The following LEPROTL1 variants were observed in gnomAD, a reference collection of about 807,000 sequenced individuals.
The protein encoded by LEPROTL1 is leptin receptor overlapping transcript like 1, also known as leptin receptor overlapping transcript-like 1.
In LEPROTL1, 6 loss-of-function variants were observed where a neutral mutation model predicts 15.4. The observed-to-expected ratio is 0.39, with a 90% CI of 0.21 to 0.77. The LOEUF (loss-of-function observed/expected upper bound fraction) is 0.77. Ranked by LOEUF, LEPROTL1 falls within the 30% of genes least tolerant of loss-of-function variation. The pLI is 0.41. For synonymous variants in LEPROTL1, 56 were observed against 52.6 expected, an observed-to-expected ratio of 1.06 and a Z score of -0.28; for missense variants, 128 against 158.1, an observed-to-expected ratio of 0.81 and a Z score of 1.02.
At chr8:30,130,269 A>G (rs909475391) in intron 3 of LEPROTL1, among the ~76,000 whole-genome samples, 2 of 152,224 alleles carry the variant, frequency 1.3e-5, no homozygotes, top group Non-Finnish European at 2.9e-5. Flanking sequence ...TTTTATTTGA[A>G]CAAGCATGTA....
intron 3 of LEPROTL1, among the ~76,000 whole-genome samples, chr8:30,119,967 G>T (rs1046389976): frequency 6.6e-6 from 1 of 152,106 alleles, no homozygotes; most frequent in Admixed American, 6.6e-5. Context: ...TACTAGGGAG[G>T]CTGAGGCAGG....
At chr8:30,125,354 G>A (rs925150235) in intron 3 of LEPROTL1, among the ~76,000 whole-genome samples, 3 of 152,174 alleles carry the variant, frequency 2.0e-5, no homozygotes, top group African/African-American at 7.2e-5. Context: ...TGTTTTCTTA[G>A]TAGGAGAGAA....
Position 30,107,991 on chromosome 8 carries a change from G to A in LEPROTL1, c.*2129G>A. On this transcript the variant is annotated 3_prime_UTR_variant, in exon 4 of 4. Coordinates refer to ENST00000321250, the MANE Select transcript of LEPROTL1 (RefSeq NM_015344.3). ...GAGATATGAATTTTCCATAGAATAT[G>A]CACTGATACAATATTACCATTCTTC... The A allele has an allele frequency of 1.0e-6, 1 of 969,022 alleles. No individual in the cohort carries two copies. Among genetic ancestry groups the A allele is most frequent in the Non-Finnish European group, 1.2e-6 (1 of 815,008 alleles). The allele number at this position is 969,022 out of a possible 1,614,324, so 60.0% of individuals were successfully genotyped here.
chr8:30,107,147 T>C lies in LEPROTL1; in HGVS notation c.*1285T>C. The stretch of plus-strand genomic sequence containing the variant: ...AACTGTTTTGATTTTGAGTTCATCA[T>C]GATAGATCTGCTGTTTCCTTATAAA... On this transcript the variant is annotated 3_prime_UTR_variant, in exon 4 of 4. Transcript: ENST00000321250. 1 of 985,314 alleles carries C rather than the reference T, an allele frequency of 1.0e-6. No homozygotes were observed. The highest frequency in any genetic ancestry group is 1.2e-6 in the Non-Finnish European group (1 of 829,786). The allele number at this position is 985,314 out of a possible 1,614,324, so 61.0% of individuals were successfully genotyped here.
chr8:30,101,377 G>A (rs143853180), intron 1 of LEPROTL1, among the ~76,000 whole-genome samples: 2 of 152,188 alleles, frequency 1.3e-5, no homozygotes, highest in South Asian at 2.1e-4. Context: ...TTTAAAAATC[G>A]GTGTCACTGG....
At chr8:30,123,245 A>C (rs1563218322) in intron 3 of LEPROTL1, among the ~76,000 whole-genome samples, 1 of 152,208 alleles carries the variant, frequency 6.6e-6, no homozygotes, top group Non-Finnish European at 1.5e-5. Flanking sequence ...GAAGTCACGA[A>C]GCATCACTTC....
intron 3 of LEPROTL1, among the ~76,000 whole-genome samples, chr8:30,127,902 A>G (rs1000702328): frequency 3.3e-5 from 5 of 152,114 alleles, no homozygotes; most frequent in African/African-American, 1.2e-4. Flanking sequence ...GTGGGGTGTC[A>G]ATAACCAGGT....
intron 3 of LEPROTL1, among the ~76,000 whole-genome samples, chr8:30,130,889 C>T (rs768505351): frequency 1.3e-5 from 2 of 150,788 alleles, no homozygotes; most frequent in Admixed American, 6.7e-5. Flanking sequence ...AAGCGATTCT[C>T]CTGCCTCAGC....
rs1037583788 is a variant in LEPROTL1 at position 30,106,544 on chromosome 8, T to C, written c.*682T>C. On this transcript the variant is annotated 3_prime_UTR_variant, in exon 4 of 4. Transcript: ENST00000321250. The stretch of plus-strand genomic sequence containing the variant: ...TACAGAGGAGTGCTTTTCTTCTCAA[T>C]TGTTAGAAGAATTTATGTTAAACTT... The C allele has an allele frequency of 6.1e-5, 60 of 983,798 alleles. No homozygotes were observed. The highest frequency in any genetic ancestry group is 6.9e-5 in the Non-Finnish European group (57 of 828,292). The allele number at this position is 983,798 out of a possible 1,614,324, so 60.9% of individuals were successfully genotyped here.
chr8:30,103,095 C>T (rs75625279), intron 2 of LEPROTL1, among the ~76,000 whole-genome samples: 13 of 151,930 alleles, frequency 8.6e-5, no homozygotes, highest in African/African-American at 3.1e-4. Context: ...TTGTTTTATG[C>T]GTTATTTATA....
intron 3 of LEPROTL1, among the ~76,000 whole-genome samples, chr8:30,131,059 G>A (rs1328168837): frequency 6.6e-6 from 1 of 151,800 alleles, no homozygotes; most frequent in Non-Finnish European, 1.5e-5. Context: ...CTCCCAAAGT[G>A]CTGGGATTAC....
At chr8:30,103,936 C>G (rs1802513063) in intron 2 of LEPROTL1, among the ~76,000 whole-genome samples, 1 of 151,870 alleles carries the variant, frequency 6.6e-6, no homozygotes, top group African/African-American at 2.4e-5. Flanking sequence ...TCCCCTGTAC[C>G]CTCCACACAG....
chr8:30,132,660 A>T (rs1219115730), intron 4 of LEPROTL1: 7 of 1,551,724 alleles, frequency 4.5e-6, no homozygotes, highest in Non-Finnish European at 6.1e-6. Context: ...AGTGTCTGGG[A>T]TGCAAAGCAC....
chr8:30,096,622 C>T (rs954054152), intron 1 of LEPROTL1, among the ~76,000 whole-genome samples: 2 of 152,090 alleles, frequency 1.3e-5, no homozygotes, highest in South Asian at 4.1e-4. Context: ...GACTCTAAAC[C>T]CTTATGTGAA....
chr8:30,120,840 T>C (rs969692567), intron 3 of LEPROTL1, among the ~76,000 whole-genome samples: 1 of 152,184 alleles, frequency 6.6e-6, no homozygotes, highest in Non-Finnish European at 1.5e-5. Flanking sequence ...CTGTTTTGTT[T>C]TTCTTTTCAA....
downstream of LEPROTL1, among the ~76,000 whole-genome samples, chr8:30,109,543 C>A (rs1802624318): frequency 6.6e-6 from 1 of 152,170 alleles, no homozygotes; most frequent in Non-Finnish European, 1.5e-5. Context: ...TTAGGACTAT[C>A]ATCATAAACT....
chr8:30,095,740 C>T (rs56969689), intron 1 of LEPROTL1: 564,731 of 692,416 alleles, frequency 0.82, 234,035 homozygotes, highest in South Asian at 0.86. Context: ...GGCTTCGCCC[C>T]GCAGCCCCCA....
chr8:30,108,698 G>A (rs181725101), downstream of LEPROTL1, among the ~76,000 whole-genome samples: 5 of 150,742 alleles, frequency 3.3e-5, no homozygotes, highest in South Asian at 2.1e-4. Flanking sequence ...GCAGTGGTAC[G>A]ATCTTGGCTC....
chr8:30,106,216 G>A lies in LEPROTL1; in HGVS notation c.*354G>A. 1.0e-6 allele frequency: 1 copy of A among 986,170 alleles called. No individual in the cohort carries two copies. Among genetic ancestry groups the A allele is most frequent in the East Asian group, 1.1e-4 (1 of 8,834 alleles). The allele number at this position is 986,170 out of a possible 1,614,324, so 61.1% of individuals were successfully genotyped here. A position where few individuals can be genotyped will look rare whatever the true frequency, so the allele number is the denominator to read the frequency against. On this transcript the variant is annotated 3_prime_UTR_variant, in exon 4 of 4. Coordinates refer to ENST00000321250, the MANE Select transcript of LEPROTL1 (RefSeq NM_015344.3). ...TAATGTAATCATTTGCATTGGTTAG[G>A]AATTCAGAATTCCGCCGGCTCTATT...
Sources: gnomAD v4.1 joint callset for allele counts (sites outside exome capture counted in the v4.1 genomes callset) on GRCh38, gnomAD v4.1.1 for gene constraint, MANE v1.5 for transcripts, NCBI Gene and HGNC (gene_info 2026-07-23, HGNC 2026-07-21) for gene names.